The following WDR72 variants were observed in gnomAD, a reference collection of about 807,000 sequenced individuals.
WDR72 encodes the protein WD repeat-containing protein 72.
Under a neutral mutation model 124.2 loss-of-function variants are expected in WDR72, and 120 were observed. That is an observed-to-expected ratio of 0.97 (90% CI 0.83 to 1.12). The LOEUF (loss-of-function observed/expected upper bound fraction) is 1.12, where lower values mean the gene tolerates loss of function less well. Among genes scored for constraint, WDR72 ranks in the 50% most tolerant of loss-of-function variants. The pLI is 0.00. For missense variants in WDR72, 1,387 were observed against 1,278.8 expected, an observed-to-expected ratio of 1.08 and a Z score of -1.29; for synonymous variants, 452 against 441.7, an observed-to-expected ratio of 1.02 and a Z score of -0.29.
intron 13 of WDR72, among the ~76,000 whole-genome samples, chr15:53,683,754 T>A (rs925029868): frequency 6.6e-6 from 1 of 152,138 alleles, no homozygotes; most frequent in African/African-American, 2.4e-5. Flanking sequence ...TAATCAATGA[T>A]ACATCTATAA....
chr15:53,530,991 G>C (rs138204902), intron 18 of WDR72, among the ~76,000 whole-genome samples: 2 of 152,034 alleles, frequency 1.3e-5, no homozygotes, highest in African/African-American at 4.8e-5. Context: ...AAGGGAAAGC[G>C]TTTGTCTCAG....
rs267604260 is a variant in WDR72, at chr15:53,733,139, G to A, written c.11C>T (p.Ser4Phe). 1.9e-6 allele frequency: 3 copies of A among 1,613,998 alleles called. No individual in the cohort carries two copies. Among genetic ancestry groups the A allele is most frequent in the Non-Finnish European group, 2.5e-6 (3 of 1,179,966 alleles). ...TCCCCAGAGTGCCACTGCCTGCAGG[G>A]AAGTCCTCATTTTGGGCGAATCCTG... MRT[S>F]LQAVALWGQK... The change falls in exon 2 of 20, where the codon TCC becomes TTC. Residue 4 changes from serine (S) to phenylalanine (F), a missense_variant. Coordinates refer to ENST00000360509, the MANE Select transcript of WDR72 (RefSeq NM_182758.4).
chr15:53,578,643 G>C (rs914533784), intron 18 of WDR72, among the ~76,000 whole-genome samples: 5 of 152,028 alleles, frequency 3.3e-5, no homozygotes, highest in African/African-American at 1.2e-4. Context: ...GACATCCAAA[G>C]CTCAGTTGTA....
At chr15:53,587,070 G>A (rs1417324308) in intron 18 of WDR72, among the ~76,000 whole-genome samples, 1 of 151,968 alleles carries the variant, frequency 6.6e-6, no homozygotes, top group Non-Finnish European at 1.5e-5. Flanking sequence ...CACTTTATTG[G>A]CATTTAGCAG....
intron 2 of WDR72, 94 bp downstream of exon 2, chr15:53,732,903 C>A: frequency 1.4e-6 from 2 of 1,458,482 alleles, no homozygotes; most frequent in South Asian, 1.1e-5. Context: ...TTTTAACAAT[C>A]ATGCAAACCT....
At chr15:53,544,370 T>A (rs1893334183) in intron 18 of WDR72, among the ~76,000 whole-genome samples, 2 of 108,934 alleles carry the variant, frequency 1.8e-5, no homozygotes, top group Admixed American at 2.0e-4. Context: ...CGCAAATCAA[T>A]AAATGTAATC....
rs200746058 is a variant in WDR72, at chr15:53,706,032, T to G, written c.997A>C (p.Lys333Gln). Residue 333 changes from lysine to glutamine, a missense_variant, in exon 10 of 20, where the codon AAA (lysine) becomes CAA (glutamine). By Grantham distance (53) the Lys-to-Gln change is moderately conservative (BLOSUM62 1). Coordinates refer to ENST00000360509, the MANE Select transcript of WDR72 (RefSeq NM_182758.4). The part of the protein sequence containing the change: ...PFVMGYMNER[K>Q]EPFYKVLFSG... The stretch of plus-strand genomic sequence containing the variant: ...AAAAGTACCTTGTAAAAAGGCTCTT[T>G]CCTTTCATTCATGTAGCCCATAACA... 1 of 1,614,058 alleles carries G rather than the reference T, an allele frequency of 6.2e-7. No homozygotes were observed. Among genetic ancestry groups the G allele is most frequent in the African/African-American group, 1.3e-5 (1 of 75,018 alleles).
At chr15:53,659,115 A>G (rs756578234) in intron 14 of WDR72, among the ~76,000 whole-genome samples, 3 of 152,220 alleles carry the variant, frequency 2.0e-5, no homozygotes, top group Non-Finnish European at 2.9e-5. Flanking sequence ...AACCTATGTC[A>G]ATGACTAAGG....
intron 1 of WDR72, among the ~76,000 whole-genome samples, chr15:53,734,001 G>A (rs915509225): frequency 1.3e-5 from 2 of 152,140 alleles, no homozygotes; most frequent in Non-Finnish European, 2.9e-5. Context: ...AAGGGGCCAA[G>A]CATACTTCCC....
chr15:53,733,632 A>G (rs2018268537), intron 1 of WDR72, among the ~76,000 whole-genome samples: 1 of 152,206 alleles, frequency 6.6e-6, no homozygotes, highest in African/African-American at 2.4e-5. Flanking sequence ...TTCCATAAAA[A>G]CAGTGTTTCC....
chr15:53,701,536 GTCTCTC>G (rs370281315), intron 12 of WDR72, among the ~76,000 whole-genome samples: 28 of 101,504 alleles, frequency 2.8e-4, no homozygotes, highest in Non-Finnish European at 4.5e-4. Flanking sequence ...GTGAGACCCT[GTCTCTC>G]TCTCTCTCTC....
chr15:53,635,704 G>A (rs2014597549), intron 14 of WDR72, among the ~76,000 whole-genome samples: 1 of 152,232 alleles, frequency 6.6e-6, no homozygotes, highest in South Asian at 2.1e-4. Context: ...GATGGAGGGA[G>A]ATGGGGAAGG....
At chr15:53,596,976 C>G (rs2012806759) in intron 18 of WDR72, 103 bp downstream of exon 18, 2 of 1,123,846 alleles carry the variant, frequency 1.8e-6, no homozygotes, top group Non-Finnish European at 2.7e-6. Flanking sequence ...ACTTGTGCAC[C>G]ATGATATAAT....
intron 3 of WDR72, among the ~76,000 whole-genome samples, chr15:53,717,910 T>G (rs1170256433): frequency 6.6e-6 from 1 of 152,126 alleles, no homozygotes; most frequent in Non-Finnish European, 1.5e-5. Context: ...AAAATCTCTC[T>G]GTGTGTGTCT....
rs1017963231 is a variant in WDR72 at position 53,527,191 on chromosome 15, T to C, written c.3149-3869A>G. Among the ~76,000 whole-genome samples, 4 of 152,100 alleles carry C rather than the reference T, an allele frequency of 2.6e-5. 1 individual carries two copies. In the East Asian group the frequency reaches 7.7e-4, roughly 29 times the overall value. On this transcript the variant is annotated intron_variant, in intron 18 of 19. Coordinates refer to ENST00000360509, the MANE Select transcript of WDR72 (RefSeq NM_182758.4). The stretch of plus-strand genomic sequence containing the variant: ...ATTCAGGAGATAGTATGAGGAAGAC[T>C]CTATAGCAGGATTTGTTGTTAAAAT...
chr15:53,761,083 C>A (rs1301539248), upstream of WDR72, among the ~76,000 whole-genome samples: 1 of 152,070 alleles, frequency 6.6e-6, no homozygotes, highest in Admixed American at 6.5e-5. Flanking sequence ...GAGATCACAC[C>A]ACTGCACTCC....
chr15:53,759,709 CCGCCCGCCT>C (rs879328428), upstream of WDR72: 246 of 131,286 alleles, frequency 1.9e-3, 1 homozygote, highest in East Asian at 9.6e-3. Flanking sequence ...GGTACCGGCC[CCGCCCGCCT>C]CGCCCCGCCC....
rs151224179 is a variant in WDR72 at position 53,699,839 on chromosome 15, G to A, written c.1676C>T (p.Pro559Leu). 1 of 1,614,114 alleles carries A rather than the reference G, an allele frequency of 6.2e-7. No homozygotes were observed. Among genetic ancestry groups the A allele is most frequent in the Non-Finnish European group, 8.5e-7 (1 of 1,180,028 alleles). The change falls in exon 13 of 20, where the codon CCT becomes CTT. Residue 559 changes from proline (P) to leucine (L), a missense_variant. Transcript: ENST00000360509. ...CLLHARKHLF[P>L]VRMIKWHPVE... is the part of the protein sequence containing the mutation. ...CGGGTGCCATTTTATCATCCTCACA[G>A]GAAAAAGGTGCTTCCGGGCATGCAG...
At chr15:53,621,207 C>A (rs1270563147) in intron 14 of WDR72, among the ~76,000 whole-genome samples, 1 of 151,822 alleles carries the variant, frequency 6.6e-6, no homozygotes, top group Non-Finnish European at 1.5e-5. Context: ...TGTAAACTAG[C>A]ACAACCACTG....
Sources: gnomAD v4.1 joint callset for allele counts (sites outside exome capture counted in the v4.1 genomes callset) on GRCh38, gnomAD v4.1.1 for gene constraint, MANE v1.5 for transcripts, NCBI Gene and HGNC (gene_info 2026-07-23, HGNC 2026-07-21) for gene names.